ANKIB1: variants seen among roughly 807,000 people sequenced by gnomAD.
ANKIB1 encodes ankyrin repeat and IBR domain containing 1.
Under a neutral mutation model 122.1 loss-of-function variants are expected in ANKIB1, and 43 were observed. The observed-to-expected ratio is 0.35, with a 90% CI of 0.28 to 0.45. The LOEUF is 0.45. Among genes scored for constraint, ANKIB1 ranks in the 20% least tolerant of loss-of-function variants. The probability of loss-of-function intolerance (pLI) is 1.00; values close to 1 mark genes in which losing one functional copy is unlikely to be tolerated. For synonymous variants in ANKIB1, 390 were observed against 442.0 expected (o/e 0.88, Z 1.48); for missense variants, 992 against 1,329.5 (o/e 0.75, Z 3.95).
intron 7 of ANKIB1, among the ~76,000 whole-genome samples, chr7:92,348,649 G>T (rs186417806): frequency 2.2e-4 from 33 of 152,270 alleles, no homozygotes; most frequent in African/African-American, 7.9e-4. Context: ...CTCCCAAAGC[G>T]CTAGGATTAT....
intron 16 of ANKIB1, 88 bp from the exon 17 acceptor site, chr7:92,392,153 C>A: frequency 9.4e-7 from 1 of 1,065,542 alleles, no homozygotes; most frequent in Non-Finnish European, 1.3e-6. Context: ...CAGAGGAATT[C>A]AAAGTAATGT....
chr7:92,248,932 G>A (rs1447231570), intron 1 of ANKIB1, among the ~76,000 whole-genome samples: 1 of 131,950 alleles, frequency 7.6e-6, no homozygotes, highest in African/African-American at 2.9e-5. Context: ...CTCTTGCCAA[G>A]GCTGGAGTGC....
intron 1 of ANKIB1, among the ~76,000 whole-genome samples, chr7:92,277,668 T>C (rs1801931667): frequency 6.6e-6 from 1 of 151,766 alleles, no homozygotes; most frequent in African/African-American, 2.4e-5. Flanking sequence ...GTGCAGGGAG[T>C]GGGCGTGGAG....
chr7:92,301,754 A>T lies in ANKIB1; in HGVS notation c.189-5605A>T, dbSNP rs377474568. On this transcript the variant is annotated intron_variant, in intron 2 of 19. Coordinates refer to ENST00000265742, the MANE Select transcript of ANKIB1 (RefSeq NM_019004.2). ...GGATAAACAGCATTTACTCATCAGC[A>T]TTAAGTAAAATAACTTTTATTTAAT... Among the ~76,000 whole-genome samples, 4 of 152,342 alleles carry T rather than the reference A, an allele frequency of 2.6e-5. 1 individual carries two copies.
intron 1 of ANKIB1, among the ~76,000 whole-genome samples, chr7:92,268,287 T>A (rs1002059659): frequency 6.6e-6 from 1 of 152,124 alleles, no homozygotes; most frequent in African/African-American, 2.4e-5. Context: ...TCCAGAAAAA[T>A]TGGATTGTTC....
intron 1 of ANKIB1, among the ~76,000 whole-genome samples, chr7:92,259,527 A>G (rs1165094423): frequency 6.6e-6 from 1 of 152,228 alleles, no homozygotes; most frequent in African/African-American, 2.4e-5. Flanking sequence ...TAAATCTGGA[A>G]AAATAAATCT....
At position 92,271,675 on chromosome 7, in the gene ANKIB1, A is replaced by G. The variant is rs183813721; in HGVS notation, c.-90-23214A>G. On this transcript the variant is annotated intron_variant, in intron 1 of 19. Transcript: ENST00000265742. ...ATAGGAAAAGGAGCAACAAGATGAC[A>G]AGAAAGAGCTATAGAAATTAAAATA... is the stretch of plus-strand genomic sequence containing the variant. Among the ~76,000 whole-genome samples the G allele has an allele frequency of 2.4e-3, 362 of 152,348 alleles. 2 individuals carry two copies. The highest frequency in any genetic ancestry group is 8.2e-3 in the African/African-American group (340 of 41,578).
intron 2 of ANKIB1, among the ~76,000 whole-genome samples, chr7:92,299,479 G>C (rs535089639): frequency 1.3e-5 from 2 of 152,102 alleles, no homozygotes; most frequent in African/African-American, 4.8e-5. Context: ...TGAATTTTTG[G>C]TATAGTATCA....
chr7:92,310,700 C>A (rs1443980637), intron 3 of ANKIB1, among the ~76,000 whole-genome samples: 1 of 152,128 alleles, frequency 6.6e-6, no homozygotes, highest in African/African-American at 2.4e-5. Context: ...ACACATCCTC[C>A]TTATACTTTA....
rs777802747 is a variant in ANKIB1, at chr7:92,387,985, G to A, written c.1850G>A (p.Arg617His). 12 of 1,584,726 alleles carry A rather than the reference G, an allele frequency of 7.6e-6. No individual in the cohort carries two copies. Among genetic ancestry groups the A allele is most frequent in the East Asian group, 2.3e-5 (1 of 43,678 alleles). Residue 617 changes from arginine to histidine, a missense_variant, in exon 14 of 20, where the codon CGC becomes CAC. This residue lies in a region of ANKIB1 where 521 missense variants were observed against 777.7 expected (regional missense o/e 0.67). Transcript: ENST00000265742. ...TTTCTATTCCTTTAGCTAGAACAACGCCTTCTTAAAACAGCCAAAGAAAAG... is the reference window on the plus strand; with the variant it reads ...TTTCTATTCCTTTAGCTAGAACAACACCTTCTTAAAACAGCCAAAGAAAAG... ...NHEHSYQLEQ[R>H]LLKTAKEKME...
chr7:92,354,367 A>T (rs1256145019), intron 9 of ANKIB1, among the ~76,000 whole-genome samples: 1 of 152,144 alleles, frequency 6.6e-6, no homozygotes, highest in African/African-American at 2.4e-5. Context: ...TTTGAGTTTT[A>T]TCCCAGTTCA....
intron 11 of ANKIB1, among the ~76,000 whole-genome samples, chr7:92,372,071 C>T (rs1192814081): frequency 2.0e-5 from 3 of 149,062 alleles, no homozygotes; most frequent in African/African-American, 4.9e-5. Flanking sequence ...GGTTTTGGAG[C>T]GTACGGCTTA....
At chr7:92,304,458 G>A (rs573145381) in intron 2 of ANKIB1, among the ~76,000 whole-genome samples, 1 of 152,178 alleles carries the variant, frequency 6.6e-6, no homozygotes, top group Admixed American at 6.5e-5. Flanking sequence ...TAGAGAGAGC[G>A]AGCTTGGTCC....
At chr7:92,253,630 C>A (rs905098592) in intron 1 of ANKIB1, among the ~76,000 whole-genome samples, 3 of 152,124 alleles carry the variant, frequency 2.0e-5, no homozygotes, top group Admixed American at 2.0e-4. Flanking sequence ...ACATAGTTTC[C>A]CCAGACACAA....
intron 1 of ANKIB1, among the ~76,000 whole-genome samples, 185 bp downstream of exon 1, chr7:92,246,704 G>C (rs1047776527): frequency 4.6e-5 from 7 of 152,176 alleles, no homozygotes; most frequent in African/African-American, 1.7e-4. Context: ...GCCCTACAGG[G>C]CTTTTCTCCC....
At chr7:92,253,946 A>G (rs1232057687) in intron 1 of ANKIB1, among the ~76,000 whole-genome samples, 3 of 152,166 alleles carry the variant, frequency 2.0e-5, no homozygotes, top group Non-Finnish European at 4.4e-5. Flanking sequence ...ACTTTGACGA[A>G]CAAATATGAT....
At chr7:92,250,800 ACACT>A (rs1353877847) in intron 1 of ANKIB1, among the ~76,000 whole-genome samples, 4 of 152,224 alleles carry the variant, frequency 2.6e-5, no homozygotes, top group Admixed American at 2.6e-4. Flanking sequence ...ACTTTTTCAG[ACACT>A]CAGCATTTTT....
chr7:92,362,410 A>G (rs1209838733), intron 10 of ANKIB1, 137 bp downstream of exon 10: 2 of 739,622 alleles, frequency 2.7e-6, no homozygotes, highest in South Asian at 1.8e-5. Flanking sequence ...TAACATCACA[A>G]TCCCTTTGAC....
chr7:92,388,477 T>C (rs1180139668), intron 14 of ANKIB1, among the ~76,000 whole-genome samples: 1 of 152,220 alleles, frequency 6.6e-6, no homozygotes, highest in Non-Finnish European at 1.5e-5. Context: ...AATAACAGTT[T>C]GGGAAGAAAT....
Sources: gnomAD v4.1 joint callset for allele counts (sites outside exome capture counted in the v4.1 genomes callset) on GRCh38, gnomAD v4.1.1 for gene constraint, gnomAD v4.1.1 regional missense constraint, MANE v1.5 for transcripts, NCBI Gene and HGNC (gene_info 2026-07-23, HGNC 2026-07-21) for gene names.